Variants in RNGTT observed in about 807,000 individuals in gnomAD.
The protein encoded by RNGTT is RNA guanylyltransferase and 5'-phosphatase.
Under a neutral mutation model 79.3 loss-of-function variants are expected in RNGTT, and 33 were observed. The observed-to-expected ratio is 0.42, with a 90% CI of 0.32 to 0.56. RNGTT has a LOEUF of 0.56. RNGTT is among the 20% of genes least tolerant of loss of function. The pLI is 0.17. For synonymous variants in RNGTT, 222 were observed against 235.9 expected (o/e 0.94, Z 0.54); for missense variants, 497 against 739.1 (o/e 0.67, Z 3.80).
intron 8 of RNGTT, among the ~76,000 whole-genome samples, chr6:88,877,812 T>C (rs1377791470): frequency 6.6e-6 from 1 of 152,106 alleles, no homozygotes; most frequent in Non-Finnish European, 1.5e-5. Flanking sequence ...CACTTCCCCG[T>C]GATAAAAAAG....
At chr6:88,662,351 T>C (rs1179732726) in intron 14 of RNGTT, among the ~76,000 whole-genome samples, 1 of 152,246 alleles carries the variant, frequency 6.6e-6, no homozygotes, top group Non-Finnish European at 1.5e-5. Context: ...TTCTGTTCTG[T>C]TCTGCTAGCC....
At chr6:88,930,084 A>ATATGCATATGTATACATATACATG (rs1562046177) in intron 2 of RNGTT, among the ~76,000 whole-genome samples, 11 of 100,974 alleles carry the variant, frequency 1.1e-4, no homozygotes, top group South Asian at 9.6e-4. Context: ...ACATATACAT[A>ATATGCATATGTATACATATACATG]TATACATATA....
intron 13 of RNGTT, among the ~76,000 whole-genome samples, chr6:88,702,162 T>C (rs1001193602): frequency 1.3e-5 from 2 of 152,176 alleles, no homozygotes; most frequent in African/African-American, 2.4e-5. Flanking sequence ...ACAGATTCAA[T>C]GCTATTCCTA....
At chr6:88,640,830 T>C (rs911596) in intron 14 of RNGTT, among the ~76,000 whole-genome samples, 40,570 of 152,124 alleles carry the variant, frequency 0.27, 9,506 homozygotes, top group African/African-American at 0.63. Context: ...TATATATTTA[T>C]GTTGTAAGCT....
At chr6:88,930,133 CATACAT>C (rs929969033) in intron 2 of RNGTT, among the ~76,000 whole-genome samples, 1 of 140,474 alleles carries the variant, frequency 7.1e-6, no homozygotes, top group Admixed American at 7.0e-5. Flanking sequence ...TACACGTATA[CATACAT>C]ATACATATAC....
intron 12 of RNGTT, among the ~76,000 whole-genome samples, chr6:88,771,235 T>C (rs912341651): frequency 6.7e-6 from 1 of 149,224 alleles, no homozygotes; most frequent in Non-Finnish European, 1.5e-5. Flanking sequence ...TCAGCTGTTA[T>C]TTTTAGGTAT....
chr6:88,935,413 A>T (rs1784635174), intron 2 of RNGTT, among the ~76,000 whole-genome samples: 1 of 152,152 alleles, frequency 6.6e-6, no homozygotes, highest in Non-Finnish European at 1.5e-5. Context: ...TTCAGGTTCC[A>T]TAAAAATGTT....
chr6:88,750,009 ATCTC>A (rs1203233330), intron 13 of RNGTT, among the ~76,000 whole-genome samples: 1 of 152,076 alleles, frequency 6.6e-6, no homozygotes, highest in African/African-American at 2.4e-5. Context: ...CTCATGTATA[ATCTC>A]TCTGTGTCTT....
At chr6:88,709,485 G>A (rs1299504278) in intron 13 of RNGTT, among the ~76,000 whole-genome samples, 1 of 152,130 alleles carries the variant, frequency 6.6e-6, no homozygotes, top group Non-Finnish European at 1.5e-5. Flanking sequence ...TAATTGTATT[G>A]TAATGTTTAA....
intron 4 of RNGTT, among the ~76,000 whole-genome samples, chr6:88,923,693 T>G (rs1784231847): frequency 6.6e-6 from 1 of 152,078 alleles, no homozygotes; most frequent in Admixed American, 6.5e-5. Context: ...CCACCTAATG[T>G]TAGGTGCAAC....
chr6:88,626,241 T>A (rs1399223828), intron 14 of RNGTT, among the ~76,000 whole-genome samples: 1 of 151,710 alleles, frequency 6.6e-6, no homozygotes, highest in Admixed American at 6.6e-5. Context: ...AGCCAGAGAG[T>A]TTAAGTAATT....
chr6:88,895,271 A>G (rs577578993), intron 6 of RNGTT, among the ~76,000 whole-genome samples: 3 of 119,492 alleles, frequency 2.5e-5, no homozygotes, highest in East Asian at 5.2e-4. Flanking sequence ...GTGTGTGTGT[A>G]AAGAGAAAAT....
At chr6:88,769,931 A>G in intron 12 of RNGTT, 57 bp from the exon 13 acceptor site, 1 of 1,195,046 alleles carries the variant, frequency 8.4e-7, no homozygotes, top group Non-Finnish European at 1.2e-6. Flanking sequence ...TTAAACATTC[A>G]ATGTATTAAA....
chr6:88,848,935 T>C (rs1364283610), intron 10 of RNGTT, among the ~76,000 whole-genome samples: 1 of 151,990 alleles, frequency 6.6e-6, no homozygotes, highest in Non-Finnish European at 1.5e-5. Flanking sequence ...ATTTTTCATA[T>C]TTTTAAAAAG....
chr6:88,840,150 CTA>C (rs1451886981), intron 11 of RNGTT, among the ~76,000 whole-genome samples: 2 of 152,132 alleles, frequency 1.3e-5, no homozygotes, highest in Non-Finnish European at 2.9e-5. Flanking sequence ...CGTAATATCA[CTA>C]TTTTACCATC....
chr6:88,842,751 A>G (rs891903455), intron 11 of RNGTT, among the ~76,000 whole-genome samples: 21 of 152,218 alleles, frequency 1.4e-4, no homozygotes, highest in Admixed American at 8.5e-4. Context: ...GATGCAAGAA[A>G]TATTCTGCCA....
At chr6:88,902,447 A>T (rs1029028099) in intron 6 of RNGTT, among the ~76,000 whole-genome samples, 5 of 152,030 alleles carry the variant, frequency 3.3e-5, no homozygotes, top group African/African-American at 1.2e-4. Flanking sequence ...AAAAAAAATA[A>T]TAAAATTAGC....
intron 14 of RNGTT, among the ~76,000 whole-genome samples, chr6:88,620,229 C>T (rs961122552): frequency 2.0e-5 from 3 of 152,120 alleles, no homozygotes; most frequent in Non-Finnish European, 2.9e-5. Flanking sequence ...CAGTCAGATA[C>T]GCAACTAATG....
intron 8 of RNGTT, among the ~76,000 whole-genome samples, chr6:88,863,726 C>T (rs902683449): frequency 6.6e-6 from 1 of 152,092 alleles, no homozygotes; most frequent in Admixed American, 6.6e-5. Context: ...AAATTAATGA[C>T]ATATTAAATA....
Sources: allele counts gnomAD v4.1 joint callset (sites outside exome capture counted in the v4.1 genomes callset), GRCh38; gene constraint gnomAD v4.1.1; transcripts MANE v1.5; gene names NCBI Gene and HGNC (gene_info 2026-07-23, HGNC 2026-07-21).